GLI3: variants seen among roughly 807,000 people sequenced by gnomAD.
GLI3 encodes the protein transcription activator GLI3.
GLI3 carries 20 observed loss-of-function variants against 100.8 expected under a neutral mutation model. That is an observed-to-expected ratio of 0.20 (90% CI 0.14 to 0.29). GLI3 has a LOEUF of 0.29. GLI3 is among the 10% of genes least tolerant of loss of function. GLI3 has a pLI of 1.00. For synonymous variants in GLI3, 938 were observed against 860.5 expected (o/e 1.09, Z -1.58); for missense variants, 2,040 against 2,128.5 (o/e 0.96, Z 0.82).
At chr7:42,121,489 T>A (rs1490882011) in intron 3 of GLI3, among the ~76,000 whole-genome samples, 1 of 152,156 alleles carries the variant, frequency 6.6e-6, no homozygotes, top group African/African-American at 2.4e-5. Context: ...GAAATACCAA[T>A]GTATGTTATT....
chr7:42,113,422 G>A (rs185736495), intron 3 of GLI3: 3 of 720,934 alleles, frequency 4.2e-6, no homozygotes, highest in African/African-American at 1.7e-5. Context: ...GGTGAAGGAT[G>A]AACCACAGAG....
At chr7:42,257,395 G>A (rs1011747312) in intron 1 of GLI3, among the ~76,000 whole-genome samples, 4 of 138,266 alleles carry the variant, frequency 2.9e-5, no homozygotes, top group Admixed American at 1.6e-4. Flanking sequence ...TCGCTCTGTC[G>A]CCCAGGCTGG....
chr7:42,023,630 C>T (rs1232872348), intron 9 of GLI3, 22 bp from the exon 10 acceptor site: 10 of 1,514,846 alleles, frequency 6.6e-6, no homozygotes, highest in Non-Finnish European at 8.9e-6. Flanking sequence ...GGGTGGGGGG[C>T]AGGGAACAGA....
intron 10 of GLI3, among the ~76,000 whole-genome samples, chr7:41,990,993 A>G (rs1015786051): frequency 1.3e-5 from 2 of 152,046 alleles, no homozygotes; most frequent in African/African-American, 4.8e-5. Context: ...AGGCAAAATT[A>G]TCCCTTTGGA....
At chr7:42,166,405 G>A (rs565541317) in intron 2 of GLI3, among the ~76,000 whole-genome samples, 1 of 152,278 alleles carries the variant, frequency 6.6e-6, no homozygotes, top group East Asian at 1.9e-4. Flanking sequence ...TACGTTTGCT[G>A]CTGTTGCTGT....
At chr7:42,246,178 C>T (rs7455437) in intron 1 of GLI3, among the ~76,000 whole-genome samples, 60,410 of 152,080 alleles carry the variant, frequency 0.4, 12,837 homozygotes, top group East Asian at 0.7. Context: ...TTCAAACACA[C>T]GATAACATGC....
chr7:42,176,355 A>G (rs1464933420), intron 2 of GLI3, among the ~76,000 whole-genome samples: 1 of 152,144 alleles, frequency 6.6e-6, no homozygotes, highest in Non-Finnish European at 1.5e-5. Flanking sequence ...GAAGGCCCAT[A>G]GGTCACATGA....
chr7:42,156,244 G>A (rs901145712), intron 2 of GLI3, among the ~76,000 whole-genome samples: 2 of 152,208 alleles, frequency 1.3e-5, no homozygotes, highest in Non-Finnish European at 2.9e-5. Flanking sequence ...CTCTTGCCAA[G>A]ACTCTTTCTT....
At chr7:42,182,027 C>T (rs1440046761) in intron 2 of GLI3, among the ~76,000 whole-genome samples, 1 of 152,126 alleles carries the variant, frequency 6.6e-6, no homozygotes, top group Admixed American at 6.5e-5. Context: ...TCTGTAAGAA[C>T]TCTTTCTCTC....
At chr7:42,079,774 G>GA (rs1784961089) in intron 3 of GLI3, among the ~76,000 whole-genome samples, 1 of 152,160 alleles carries the variant, frequency 6.6e-6, no homozygotes, top group Non-Finnish European at 1.5e-5. Context: ...TCTCCACCAG[G>GA]TAAGTGGGTG....
intron 4 of GLI3, among the ~76,000 whole-genome samples, chr7:42,058,726 A>T (rs773345398): frequency 3.9e-5 from 6 of 152,228 alleles, no homozygotes; most frequent in Non-Finnish European, 4.4e-5. Context: ...CATGTTAGTC[A>T]TGTTCTTCCA....
rs112802910 is a variant in GLI3 at position 42,102,044 on chromosome 7, C to T, written c.368-25187G>A. Among the ~76,000 whole-genome samples the T allele has an allele frequency of 3.2e-3, 490 of 151,852 alleles. 4 individuals are homozygous for T. The highest frequency in any genetic ancestry group is 0.011 in the African/African-American group (447 of 41,318). On this transcript the variant is annotated intron_variant, in intron 3 of 14. Transcript: ENST00000395925. Reference sequence around the variant, plus strand: ...CATTTTTTATGGCTGCATAGTATACCATGGTGTATATGTGCCACATTTTCT... The same window carrying T: ...CATTTTTTATGGCTGCATAGTATACTATGGTGTATATGTGCCACATTTTCT...
At chr7:42,250,244 ATTTGTTTT>A (rs1789017931) in intron 1 of GLI3, among the ~76,000 whole-genome samples, 2 of 152,178 alleles carry the variant, frequency 1.3e-5, no homozygotes, top group Non-Finnish European at 2.9e-5. Flanking sequence ...AATATGGACC[ATTTGTTTT>A]CCCTTTGCTA....
intron 5 of GLI3, 60 bp from the exon 6 acceptor site, chr7:42,045,590 TTG>T: frequency 6.6e-7 from 1 of 1,523,560 alleles, no homozygotes; most frequent in Non-Finnish European, 9.0e-7. Flanking sequence ...GAAGTTTCTC[TTG>T]AGGCATCTCA....
At chr7:42,134,359 G>T (rs567721086) in intron 3 of GLI3, among the ~76,000 whole-genome samples, 1 of 152,136 alleles carries the variant, frequency 6.6e-6, no homozygotes, top group Non-Finnish European at 1.5e-5. Flanking sequence ...AAAGCTGAAC[G>T]ATTCATGTCC....
intron 3 of GLI3, among the ~76,000 whole-genome samples, chr7:42,119,226 T>G (rs527877760): frequency 5.9e-5 from 9 of 152,340 alleles, no homozygotes; most frequent in African/African-American, 2.2e-4. Flanking sequence ...TACATTTCTA[T>G]GTAAGCAAAA....
intron 7 of GLI3, among the ~76,000 whole-genome samples, chr7:42,027,131 T>C (rs1789141336): frequency 6.6e-6 from 1 of 152,210 alleles, no homozygotes; most frequent in Admixed American, 6.5e-5. Flanking sequence ...GTCACCACTT[T>C]ATTATGCCAC....
intron 3 of GLI3, among the ~76,000 whole-genome samples, chr7:42,104,739 TGGGAGGTGTTCATAA>T (rs1365574318): frequency 2.0e-5 from 3 of 152,156 alleles, no homozygotes; most frequent in Admixed American, 6.5e-5. Flanking sequence ...GTATGGCAAC[TGGGAGGTGTTCATAA>T]GGGTGGAGCC....
intron 3 of GLI3, among the ~76,000 whole-genome samples, chr7:42,098,430 T>G (rs1431412671): frequency 6.6e-6 from 1 of 152,052 alleles, no homozygotes; most frequent in East Asian, 1.9e-4. Context: ...ACCTATAGGA[T>G]CAGGGAGGTG....
Sources: gnomAD v4.1 joint callset for allele counts (sites outside exome capture counted in the v4.1 genomes callset) on GRCh38, gnomAD v4.1.1 for gene constraint, MANE v1.5 for transcripts, NCBI Gene and HGNC (gene_info 2026-07-23, HGNC 2026-07-21) for gene names.